The following SPEG variants were observed in gnomAD, a reference collection of about 807,000 sequenced individuals.
The protein encoded by SPEG is striated muscle preferentially expressed protein kinase.
SPEG carries 114 observed loss-of-function variants against 300.4 expected under a neutral mutation model. The ratio of observed to expected loss-of-function variants is 0.38; its 90% CI spans 0.33 to 0.44. The LOEUF (loss-of-function observed/expected upper bound fraction) is 0.44, where lower values mean the gene tolerates loss of function less well. Among genes scored for constraint, SPEG ranks in the 20% least tolerant of loss-of-function variants. The pLI, the probability that SPEG is intolerant of heterozygous loss-of-function variation, is 1.00. For missense variants in SPEG, 4,201 were observed against 4,586.2 expected, an observed-to-expected ratio of 0.92 and a Z score of 2.43; for synonymous variants, 1,964 against 2,018.9, an observed-to-expected ratio of 0.97 and a Z score of 0.73.
At position 219,485,378 on chromosome 2, in the gene SPEG, G is replaced by T. The variant is rs563622046; in HGVS notation, c.7642G>T (p.Gly2548Cys). The part of the protein sequence containing the change: ...PGESRSRLRW[G>C]FSRPRKDKGL... ...GGAAAGCCGAAGCCGGCTCCGCTGG[G>T]GCTTCTCTCGGCCGCGGAAGGACAA... is the stretch of plus-strand genomic sequence containing the variant. Residue 2548 changes from glycine to cysteine, a missense_variant, in exon 31 of 41, where the codon GGC (glycine) becomes TGC (cysteine). Gly to Cys is a radical substitution (Grantham distance 159). Transcript: ENST00000312358. The T allele has an allele frequency of 6.2e-7, 1 of 1,607,088 alleles. No homozygotes were observed. The highest frequency in any genetic ancestry group is 1.3e-5 in the African/African-American group (1 of 74,582).
rs779789801 is a variant in SPEG at position 219,483,623 on chromosome 2, G to A, written c.6160G>A (p.Ala2054Thr). ...CCCCAGCCCGGGAGCCACCCGCCTG[G>A]CCCGGGGAGGCCTGGGTGAGGGCGA... is the stretch of plus-strand genomic sequence containing the variant. ...RSPSPGATRL[A>T]RGGLGEGEYA... Residue 2054 changes from alanine to threonine, a missense_variant, in exon 30 of 41, where the codon GCC (alanine) becomes ACC (threonine). Around this residue, in one of 4 missense-constraint regions of SPEG, gnomAD observed 1,578 missense variants for 1,506.0 expected, o/e 1.05. Transcript: ENST00000312358. The A allele has an allele frequency of 9.9e-5, 150 of 1,513,382 alleles. No individual in the cohort carries two copies. The highest frequency in any genetic ancestry group is 4.0e-5 in the Non-Finnish European group (46 of 1,138,932). 93.7% of individuals were successfully genotyped at this position (1,513,382 alleles called of 1,614,324 possible). A position where few individuals can be genotyped will look rare whatever the true frequency, so the allele number is the denominator to read the frequency against.
At chr2:219,490,316 C>G in intron 36 of SPEG, 93 bp from the exon 37 acceptor site, 6 of 1,506,972 alleles carry the variant, frequency 4.0e-6, no homozygotes, top group East Asian at 2.3e-5. Flanking sequence ...ATTCTTGCCC[C>G]TAGGGGTCCC....
Position 219,469,309 on chromosome 2 carries a change from C to A in SPEG, c.3645C>A (p.Pro1215=), listed in dbSNP as rs374311978. Reference sequence around the variant, plus strand: ...TAGAGTGCCAGGTGACCGGCCTGCCCTACCCCACCATCAGCTGGTTCCACA... The same window carrying A: ...TAGAGTGCCAGGTGACCGGCCTGCCATACCCCACCATCAGCTGGTTCCACA... ...AMLECQVTGL[P]YPTISWFHNG... The change falls in exon 13 of 41, where the codon CCC becomes CCA. Residue 1215 remains proline (P), a synonymous_variant. Transcript: ENST00000312358. 5 of 1,613,872 alleles carry A rather than the reference C, an allele frequency of 3.1e-6. No individual in the cohort carries two copies. The highest frequency in any genetic ancestry group is 4.2e-6 in the Non-Finnish European group (5 of 1,180,008).
At chr2:219,457,539 A>G (rs1690287340) in intron 6 of SPEG, among the ~76,000 whole-genome samples, 1 of 152,248 alleles carries the variant, frequency 6.6e-6, no homozygotes, top group African/African-American at 2.4e-5. Context: ...AGCTGAGATT[A>G]CACCAGTGCT....
In SPEG at chr2:219,480,328, T is replaced by C. The variant is rs187664518; in HGVS notation, c.5342+188T>C. 2.9e-3 allele frequency among the ~76,000 whole-genome samples: 448 copies of C among 152,218 alleles called. 2 individuals carry two copies. The highest frequency in any genetic ancestry group is 0.01 in the African/African-American group (419 of 41,536). ...TGTGAGTCAGGGCTGCCCCATTCTC[T>C]CAAGGCCTCAGCCCTGTTAGTCCTT... is the stretch of plus-strand genomic sequence containing the variant. On this transcript the variant is annotated intron_variant, in intron 25 of 40. Coordinates refer to ENST00000312358, the MANE Select transcript of SPEG (RefSeq NM_005876.5). The surrounding 1 kb of genome is among the most constrained non-coding windows in gnomAD (Gnocchi z 5.3).
intron 6 of SPEG, chr2:219,461,041 C>T: frequency 1.0e-6 from 1 of 968,298 alleles, no homozygotes; most frequent in Non-Finnish European, 1.2e-6. Flanking sequence ...GTGGGGGGAC[C>T]CTGGGGAGAA....
In SPEG at chr2:219,484,360, T is replaced by C. The variant is rs760954919; in HGVS notation, c.6897T>C (p.Gly2299=). 1.1e-5 allele frequency: 17 copies of C among 1,597,926 alleles called. No homozygotes were observed. The Middle Eastern group carries it at 2.2e-3, about 202-fold the overall frequency. The change falls in exon 30 of 41, where the codon GGT becomes GGC. Residue 2299 remains glycine, a synonymous_variant. Transcript: ENST00000312358. Reference sequence around the variant, plus strand: ...AGAAGCGCGTGCCCTCAGCCGGGGGTCCCCCGGTGCTAGCCGAGAAAGCCC... The same window carrying C: ...AGAAGCGCGTGCCCTCAGCCGGGGGCCCCCCGGTGCTAGCCGAGAAAGCCC... ...APEKRVPSAG[G]PPVLAEKARV... is the part of the protein sequence containing the mutation.
In SPEG at chr2:219,473,064, C is replaced by T. The variant is rs1692027760; in HGVS notation, c.4115C>T (p.Pro1372Leu). 2 of 1,613,798 alleles carry T rather than the reference C, an allele frequency of 1.2e-6. No individual in the cohort carries two copies. The highest frequency in any genetic ancestry group is 1.7e-5 in the Admixed American group (1 of 60,006). ...GTCAAGAGCAGCAGCAAGCCCTCAC[C>T]CCCTTCTGAGCCTGTGCAGCTGCTG... ...TTVKSSSKPSPPSEPVQLLEH... is the reference protein window; with the variant it reads ...TTVKSSSKPSLPSEPVQLLEH... The change falls in exon 16 of 41, where the codon CCC becomes CTC. Residue 1372 changes from proline to leucine, a missense_variant. By Grantham distance (98) the Pro-to-Leu change is moderately conservative (BLOSUM62 -3). Transcript: ENST00000312358. The surrounding 1 kb of genome is among the most constrained non-coding windows in gnomAD (Gnocchi z 4.6).
chr2:219,471,561 G>A (rs1691876265), intron 13 of SPEG: 1 of 390,536 alleles, frequency 2.6e-6, no homozygotes, highest in East Asian at 5.6e-5. Context: ...ACAGAGGCAG[G>A]GACCCCAGAG....
chr2:219,475,942 G>A (rs962842912), intron 18 of SPEG, among the ~76,000 whole-genome samples: 1 of 152,124 alleles, frequency 6.6e-6, no homozygotes, highest in Non-Finnish European at 1.5e-5. Context: ...TGTGAAGGGT[G>A]GGGGTCCACA....
At chr2:219,442,447 G>A (rs568905960) in intron 1 of SPEG, among the ~76,000 whole-genome samples, 79 of 101,324 alleles carry the variant, frequency 7.8e-4, no homozygotes, top group Non-Finnish European at 1.4e-3. Context: ...CCCCCGCCCG[G>A]CCTGCCCCAG....
rs201202610 is a variant in SPEG at position 219,490,760 on chromosome 2, C to A, written c.9189C>A (p.Ala3063=). 1.2e-6 allele frequency: 2 copies of A among 1,614,086 alleles called. No homozygotes were observed. Among genetic ancestry groups the A allele is most frequent in the East Asian group, 4.5e-5 (2 of 44,888 alleles). ...DRFRYSEDDV[A]TYMVQLLQGL... ...TCCGGTATTCTGAGGATGACGTGGC[C>A]ACTTACATGGTGCAGCTGCTACAAG... Residue 3063 remains alanine (A), a synonymous_variant, in exon 38 of 41, where the codon GCC becomes GCA. Coordinates refer to ENST00000312358, the MANE Select transcript of SPEG (RefSeq NM_005876.5).
rs1449704437 is a variant in SPEG, at chr2:219,478,029, A to G, written c.4951A>G (p.Arg1651Gly). ...SARREARLLA[R>G]LQHDCVLYFH... ...GCGTCGGGAGGCCCGGCTGCTGGCCAGGCTCCAGCACGACTGTGTCCTCTA... is the reference window on the plus strand; with the variant it reads ...GCGTCGGGAGGCCCGGCTGCTGGCCGGGCTCCAGCACGACTGTGTCCTCTA... The change falls in exon 22 of 41, where the codon AGG becomes GGG. Residue 1651 changes from arginine to glycine, a missense_variant. Around this residue, in one of 4 missense-constraint regions of SPEG, gnomAD observed 1,047 missense variants for 1,356.8 expected, o/e 0.77. Coordinates refer to ENST00000312358, the MANE Select transcript of SPEG (RefSeq NM_005876.5). 2 of 1,614,090 alleles carry G rather than the reference A, an allele frequency of 1.2e-6. No individual in the cohort carries two copies. The highest frequency in any genetic ancestry group is 1.7e-6 in the Non-Finnish European group (2 of 1,180,044).
At chr2:219,468,830 C>G (rs1559395918) in intron 11 of SPEG, 29 bp from the exon 12 acceptor site, 1 of 1,608,396 alleles carries the variant, frequency 6.2e-7, no homozygotes, top group Admixed American at 1.7e-5. Flanking sequence ...ACTGTGCCTG[C>G]TCTGCATTCC....
intron 1 of SPEG, 142 bp downstream of exon 1, chr2:219,435,507 C>T (rs990065928): frequency 1.0e-6 from 1 of 975,868 alleles, no homozygotes; most frequent in Non-Finnish European, 1.4e-6. Flanking sequence ...GCTGCCCGGC[C>T]CCAGAAGTGA....
At position 219,476,910 on chromosome 2, in the gene SPEG, G is replaced by T. The variant is rs371966193; in HGVS notation, c.4488G>T (p.Val1496=). The T allele has an allele frequency of 6.2e-7, 1 of 1,613,752 alleles. No homozygotes were observed. Among genetic ancestry groups the T allele is most frequent in the East Asian group, 2.2e-5 (1 of 44,864 alleles). ...RFESIMEDVE[V]GAGETARFAV... ...AGTCCATCATGGAGGACGTGGAGGT[G>T]GGGGCTGGGGAAACTGCTCGCTTTG... The change falls in exon 19 of 41, where the codon GTG becomes GTT. Residue 1496 remains valine (V), a synonymous_variant. Coordinates refer to ENST00000312358, the MANE Select transcript of SPEG (RefSeq NM_005876.5).
chr2:219,445,269 C>G lies in SPEG; in HGVS notation c.815+108C>G, dbSNP rs1575045719. ...ACCCATCACCCTGCCCCATCCATCTCTCTGTGCATTTCTTCACCCCCTGCT... is the reference window on the plus strand; with the variant it reads ...ACCCATCACCCTGCCCCATCCATCTGTCTGTGCATTTCTTCACCCCCTGCT... On this transcript the variant is annotated intron_variant, in intron 3 of 40. Transcript: ENST00000312358. The surrounding 1 kb of genome is among the most constrained non-coding windows in gnomAD (Gnocchi z 6.1). 9.2e-7 allele frequency: 1 copy of G among 1,083,882 alleles called. No homozygotes were observed. Among genetic ancestry groups the G allele is most frequent in the East Asian group, 2.6e-5 (1 of 38,516 alleles). 67.1% of individuals were successfully genotyped at this position (1,083,882 alleles called of 1,614,324 possible). A position where few individuals can be genotyped will look rare whatever the true frequency, so the allele number is the denominator to read the frequency against.
In SPEG at chr2:219,461,974, C is replaced by G. The variant is rs369395171; in HGVS notation, c.2533C>G (p.Pro845Ala). The G allele has an allele frequency of 2.5e-6, 4 of 1,613,556 alleles. No individual in the cohort carries two copies. ...EEFPEPGETWPRTPTMKPSPS... is the reference protein window; with the variant it reads ...EEFPEPGETWARTPTMKPSPS... ...GTTCCCAGAGCCTGGGGAGACCTGG[C>G]CGCGAACCCCCACCATGAAGCCCAG... The change falls in exon 7 of 41, where the codon CCG (proline) becomes GCG (alanine). Residue 845 changes from proline to alanine, a missense_variant. Coordinates refer to ENST00000312358, the MANE Select transcript of SPEG (RefSeq NM_005876.5).
In SPEG at chr2:219,451,641, TGGGTCAGCGCTGCGCAGCGAGGGCC is replaced by T; in HGVS notation, c.2276_2300del (p.Gly759AlafsTer43). On this transcript the variant is annotated frameshift_variant, in exon 6 of 41. Transcript: ENST00000312358. LOFTEE classifies it high-confidence loss of function. The surrounding 1 kb of genome is among the most constrained non-coding windows in gnomAD (Gnocchi z 6.4). ...TCCCCACAGTGTCCTGGCACAAGGA[TGGGTCAGCGCTGCGCAGCGAGGGCC>T]GCCTCCTCCTCCGGGCTGAGGGTGA... is the stretch of plus-strand genomic sequence containing the variant. The T allele has an allele frequency of 6.4e-7, 1 of 1,569,032 alleles. No homozygotes were observed. Among genetic ancestry groups the T allele is most frequent in the Non-Finnish European group, 8.6e-7 (1 of 1,158,386 alleles).
Sources: allele counts gnomAD v4.1 joint callset (sites outside exome capture counted in the v4.1 genomes callset), GRCh38; gene constraint gnomAD v4.1.1; regional missense constraint gnomAD v4.1.1; non-coding constraint Gnocchi (gnomAD v3.1); transcripts MANE v1.5; gene names NCBI Gene and HGNC (gene_info 2026-07-23, HGNC 2026-07-21).